The following EFHB variants were observed in gnomAD, a reference collection of about 807,000 sequenced individuals.
EFHB encodes EF-hand domain family member B, also known as EF-hand domain-containing family member B.
In EFHB, 91 loss-of-function variants were observed where a neutral mutation model predicts 87.2. The observed-to-expected ratio is 1.04, with a 90% CI of 0.88 to 1.24. The LOEUF (loss-of-function observed/expected upper bound fraction) is 1.24. Among genes scored for constraint, EFHB ranks in the 50% most tolerant of loss-of-function variants. EFHB has a pLI of 0.00. For synonymous variants in EFHB, 325 were observed against 333.6 expected (o/e 0.97, Z 0.28); for missense variants, 1,084 against 998.8 (o/e 1.09, Z -1.15).
At chr3:19,920,034 G>C in intron 2 of EFHB, 58 bp from the exon 3 acceptor site, 1 of 1,586,386 alleles carries the variant, frequency 6.3e-7, no homozygotes, top group Non-Finnish European at 8.6e-7. Context: ...ATATTAACAG[G>C]ACTGATCTAT....
At chr3:19,942,440 C>T (rs557159755) in intron 1 of EFHB, 1 of 152,530 alleles carries the variant, frequency 6.6e-6, no homozygotes, top group East Asian at 1.9e-4. Context: ...GAGCAGCTGT[C>T]CCCAACCTTT....
In EFHB at chr3:19,939,370, CTTTTTTTTTTTTTTT is replaced by C. The variant is rs147510880; in HGVS notation, c.-31-3051_-31-3037del. Among the ~76,000 whole-genome samples, 376 of 64,614 alleles carry C rather than the reference CTTTTTTTTTTTTTTT, an allele frequency of 5.8e-3. 3 individuals carry two copies. The highest frequency in any genetic ancestry group is 0.022 in the African/African-American group (347 of 15,876). 42.4% of individuals were successfully genotyped at this position (64,614 alleles called of 152,430 possible). ...TGCCACTCAAACTGGGTTGGGTCTC[CTTTTTTTTTTTTTTT>C]TTTTTTTTTTTTTTTGGGATGGAGT... is the stretch of plus-strand genomic sequence containing the variant. On this transcript the variant is annotated intron_variant, in intron 1 of 14. Coordinates refer to the EFHB transcript ENST00000344838.
intron 5 of EFHB, among the ~76,000 whole-genome samples, chr3:19,909,464 A>G (rs1171427896): frequency 2.6e-5 from 4 of 152,198 alleles, no homozygotes; most frequent in Non-Finnish European, 5.9e-5. Context: ...TGTGTCTCCA[A>G]GTAACCTTGA....
intron 4 of EFHB, 82 bp downstream of exon 4, chr3:19,918,150 T>C (rs1421377236): frequency 6.9e-6 from 9 of 1,312,858 alleles, no homozygotes; most frequent in Non-Finnish European, 9.3e-6. Flanking sequence ...CCAAACATCA[T>C]ACAAATAAGA....
intron 1 of EFHB, among the ~76,000 whole-genome samples, chr3:19,946,567 C>T (rs1696287267): frequency 1.3e-5 from 2 of 152,306 alleles, no homozygotes; most frequent in Middle Eastern, 3.4e-3. Flanking sequence ...TTGTCAGGCG[C>T]CTAAAGGCGG....
intron 9 of EFHB, among the ~76,000 whole-genome samples, chr3:19,890,079 G>C (rs1209687942): frequency 4.6e-5 from 7 of 152,192 alleles, no homozygotes; most frequent in African/African-American, 1.7e-4. Context: ...GTTGAATCAA[G>C]AGAGCCCCAA....
chr3:19,933,466 C>A lies in EFHB; in HGVS notation c.553G>T (p.Glu185Ter). ...STCVLMKPNT[E>*]IKLPVEVDIG... Reference sequence around the variant, plus strand: ...TCCACCTCCACAGGAAGCTTAATCTCTGTGTTGGGTTTCATTAAAACACAG... The same window carrying A: ...TCCACCTCCACAGGAAGCTTAATCTATGTGTTGGGTTTCATTAAAACACAG... Residue 185 changes from glutamate (E) to a stop codon, truncating the protein, a stop_gained, in exon 1 of 13, where the codon GAG (glutamate) becomes TAG (stop). Coordinates refer to ENST00000295824, the MANE Select transcript of EFHB (RefSeq NM_144715.4). LOFTEE classifies it high-confidence loss of function. The A allele has an allele frequency of 6.2e-7, 1 of 1,614,016 alleles. No individual in the cohort carries two copies. Among genetic ancestry groups the A allele is most frequent in the Non-Finnish European group, 8.5e-7 (1 of 1,179,894 alleles).
chr3:19,909,091 A>T (rs1047350078), intron 5 of EFHB, among the ~76,000 whole-genome samples: 3 of 141,220 alleles, frequency 2.1e-5, no homozygotes, highest in African/African-American at 2.6e-5. Context: ...ATGAGTGCCC[A>T]TCTCAAAAAT....
intron 1 of EFHB, among the ~76,000 whole-genome samples, chr3:19,932,526 T>A (rs1402200972): frequency 6.6e-6 from 1 of 152,234 alleles, no homozygotes; most frequent in East Asian, 1.9e-4. Flanking sequence ...CAAAATGCTC[T>A]AACCTCATTC....
chr3:19,900,681 C>T (rs186948524), intron 6 of EFHB, among the ~76,000 whole-genome samples: 97 of 152,104 alleles, frequency 6.4e-4, no homozygotes, highest in South Asian at 2.7e-3. Flanking sequence ...GTAATCCCAC[C>T]ACTTTGGGAG....
intron 1 of EFHB, among the ~76,000 whole-genome samples, chr3:19,921,247 G>A (rs1695426080): frequency 6.6e-6 from 1 of 152,068 alleles, no homozygotes; most frequent in Non-Finnish European, 1.5e-5. Flanking sequence ...ATACGGGTAG[G>A]TGAAAGTTTA....
chr3:19,908,667 G>A (rs1445370310), intron 5 of EFHB, among the ~76,000 whole-genome samples: 2 of 150,482 alleles, frequency 1.3e-5, no homozygotes, highest in Non-Finnish European at 3.0e-5. Flanking sequence ...AGAAAGTTCT[G>A]TGTGAGATAG....
upstream of EFHB, chr3:19,936,287 C>T (rs891498101): frequency 2.0e-5 from 13 of 643,220 alleles, no homozygotes; most frequent in East Asian, 2.9e-5. Flanking sequence ...GAGGTCTATG[C>T]GGCAGTGAGC....
chr3:19,920,893 A>C (rs1695415860), intron 1 of EFHB, among the ~76,000 whole-genome samples: 1 of 152,292 alleles, frequency 6.6e-6, no homozygotes, highest in African/African-American at 2.4e-5. Flanking sequence ...ATCACAGGTT[A>C]ATTATTCATT....
intron 1 of EFHB, among the ~76,000 whole-genome samples, chr3:19,927,742 A>G (rs1403416625): frequency 6.6e-6 from 1 of 152,078 alleles, no homozygotes; most frequent in Non-Finnish European, 1.5e-5. Context: ...CATGCTTGAC[A>G]CTGGGTTTCA....
intron 1 of EFHB, among the ~76,000 whole-genome samples, chr3:19,930,469 G>A (rs1042919311): frequency 5.9e-5 from 9 of 151,982 alleles, no homozygotes; most frequent in Non-Finnish European, 1.2e-4. Context: ...TACTTCTTAA[G>A]AGAAAAAAAT....
intron 12 of EFHB, among the ~76,000 whole-genome samples, chr3:19,881,888 A>G (rs1236559374): frequency 6.6e-6 from 1 of 152,078 alleles, no homozygotes; most frequent in African/African-American, 2.4e-5. Flanking sequence ...CTAACTGAGC[A>G]CTGCTATCAA....
chr3:19,900,926 C>CA (rs35992446), intron 6 of EFHB, among the ~76,000 whole-genome samples: 58,136 of 134,878 alleles, frequency 0.43, 11,616 homozygotes, highest in African/African-American at 0.49. Flanking sequence ...GAGCCTGTCT[C>CA]AAAAAAAAAA....
In EFHB at chr3:19,900,943, T is replaced by G. The variant is rs1472569689; in HGVS notation, c.1419-1428A>C. ...GCCTGTCTCAAAAAAAAAAAAAATG[T>G]AGAAAAGTTATATGTATAAAAAATG... On this transcript the variant is annotated intron_variant, in intron 6 of 12. Coordinates refer to ENST00000295824, the MANE Select transcript of EFHB (RefSeq NM_144715.4). 2.0e-5 allele frequency among the ~76,000 whole-genome samples: 3 copies of G among 148,734 alleles called. No homozygotes were observed. The South Asian group carries it at 6.4e-4, about 32-fold the overall frequency.
Sources: allele counts gnomAD v4.1 joint callset (sites outside exome capture counted in the v4.1 genomes callset), GRCh38; gene constraint gnomAD v4.1.1; transcripts MANE v1.5; gene names NCBI Gene and HGNC (gene_info 2026-07-23, HGNC 2026-07-21).